CELSR2: variants seen among roughly 807,000 people sequenced by gnomAD.
CELSR2 encodes EGF-like protein 2.
A neutral mutation model predicts 251.6 loss-of-function variants in CELSR2; 81 were observed. That is an observed-to-expected ratio of 0.32 (90% confidence interval 0.27 to 0.39). The LOEUF (loss-of-function observed/expected upper bound fraction) is 0.39. Among genes scored for constraint, CELSR2 ranks in the 10% least tolerant of loss-of-function variants. CELSR2 has a pLI of 1.00. For missense variants in CELSR2, 3,365 were observed against 3,947.7 expected (o/e 0.85, Z 3.96); for synonymous variants, 1,721 against 1,670.5 (o/e 1.03, Z -0.74).
chr1:109,267,743 C>A lies in CELSR2; in HGVS notation c.6108+101C>A. On this transcript the variant is annotated intron_variant, in intron 16 of 33. Transcript: ENST00000271332. ...AGAACGGGGCTTCTGGAATTCCAGC[C>A]TGTGTGTTCCTGGGCTCCCAGCTGG... 3.2e-6 allele frequency: 5 copies of A among 1,553,410 alleles called. No homozygotes were observed. In the South Asian group the frequency reaches 6.0e-5, roughly 19 times the overall value.
chr1:109,268,859 T>C, intron 18 of CELSR2, 21 bp from the exon 19 acceptor site: 2 of 1,594,028 alleles, frequency 1.3e-6, no homozygotes, highest in Non-Finnish European at 1.7e-6. Context: ...AGGTCCGATC[T>C]GTGACCATCC....
chr1:109,261,491 C>T lies in CELSR2; in HGVS notation c.4182-22C>T, dbSNP rs1192566776. ...CCAGGTGGGTACCCCATTCCCTGCC[C>T]CCATCCCCAACTCCTGTTCAGGTTT... is the stretch of plus-strand genomic sequence containing the variant. On this transcript the variant is annotated intron_variant, in intron 3 of 33. Coordinates refer to ENST00000271332, the MANE Select transcript of CELSR2 (RefSeq NM_001408.3). This position sits in a 1 kb window ranked among gnomAD's most constrained non-coding sequence, Gnocchi z 4.8. 4 of 1,605,890 alleles carry T rather than the reference C, an allele frequency of 2.5e-6. No individual in the cohort carries two copies. The highest frequency in any genetic ancestry group is 3.4e-6 in the Non-Finnish European group (4 of 1,172,588).
intron 29 of CELSR2, 101 bp from the exon 30 acceptor site, chr1:109,272,539 A>G (rs1656401510): frequency 1.3e-6 from 2 of 1,483,804 alleles, no homozygotes; most frequent in African/African-American, 2.8e-5. Flanking sequence ...TAGAAGCTGT[A>G]AGGGACCCAC....
In CELSR2 at chr1:109,251,622, C is replaced by G. The variant is rs1319220386; in HGVS notation, c.1543C>G (p.Leu515Val). 6.2e-7 allele frequency: 1 copy of G among 1,613,878 alleles called. No homozygotes were observed. The highest frequency in any genetic ancestry group is 1.1e-5 in the South Asian group (1 of 91,072). Reference protein sequence around the residue: ...FVSTPFQATVLESVPLGYLVL... With the variant: ...FVSTPFQATVVESVPLGYLVL... ...CAGCACCCCTTTCCAGGCTACTGTC[C>G]TGGAGAGTGTCCCCTTAGGCTACCT... is the stretch of plus-strand genomic sequence containing the variant. The change falls in exon 1 of 34, where the codon CTG becomes GTG. Residue 515 changes from leucine (L) to valine (V), a missense_variant. Transcript: ENST00000271332. The surrounding 1 kb of genome is among the most constrained non-coding windows in gnomAD (Gnocchi z 4.9).
chr1:109,263,818 G>T (rs1426442911), intron 9 of CELSR2, 41 bp downstream of exon 9: 2 of 1,599,238 alleles, frequency 1.3e-6, no homozygotes, highest in Admixed American at 1.7e-5. Context: ...CTGGCCATAG[G>T]GCCCTGGTAG....
At position 109,258,952 on chromosome 1, in the gene CELSR2, G is replaced by T; in HGVS notation, c.3831G>T (p.Pro1277=). The change falls in exon 2 of 34, where the codon CCG becomes CCT. Residue 1277 remains proline (P), a synonymous_variant. Coordinates refer to ENST00000271332, the MANE Select transcript of CELSR2 (RefSeq NM_001408.3). The stretch of plus-strand genomic sequence containing the variant: ...TCGGAGGGCTGCGCTGCCGCTGCCC[G>T]CCCGGCTTCACGGGTGACTACTGCG... The part of the protein sequence containing the change: ...HPVGGLRCRC[P]PGFTGDYCET... 6.2e-7 allele frequency: 1 copy of T among 1,611,362 alleles called. No individual in the cohort carries two copies. The highest frequency in any genetic ancestry group is 1.1e-5 in the South Asian group (1 of 91,000).
chr1:109,258,577 G>A lies in CELSR2; in HGVS notation c.3456G>A (p.Ala1152=), dbSNP rs1339916336. ...LSPLLGLFIQ[A]VAATLATPPD... ...CACTGCTAGGCCTCTTCATCCAGGC[G>A]GTGGCCGCCACGCTGGCCACGCCAC... Residue 1152 remains alanine, a synonymous_variant, in exon 2 of 34, where the codon GCG becomes GCA. Coordinates refer to ENST00000271332, the MANE Select transcript of CELSR2 (RefSeq NM_001408.3). 6.2e-7 allele frequency: 1 copy of A among 1,601,012 alleles called. No homozygotes were observed. Among genetic ancestry groups the A allele is most frequent in the Non-Finnish European group, 8.5e-7 (1 of 1,174,432 alleles).
intron 15 of CELSR2, 198 bp downstream of exon 15, chr1:109,266,404 T>C: frequency 1.6e-6 from 1 of 637,790 alleles, no homozygotes; most frequent in East Asian, 3.0e-5. Flanking sequence ...TGGACTGTTT[T>C]GTTTTGTTTT....
rs770840359 is a variant in CELSR2 at position 109,264,574 on chromosome 1, G to A, written c.5410G>A (p.Ala1804Thr). The change falls in exon 11 of 34, where the codon GCT (alanine) becomes ACT (threonine). Residue 1804 changes from alanine (A) to threonine (T), a missense_variant. This residue lies in a region of CELSR2 where 2,093 missense variants were observed against 2,382.8 expected (regional missense o/e 0.88). Transcript: ENST00000271332. ...CCCTTGTGACTCAAACCCGTGTCCT[G>A]CTAACAGCTATTGCAGCAACGACTG... ...PDPCDSNPCP[A>T]NSYCSNDWDS... 1.9e-6 allele frequency: 3 copies of A among 1,614,114 alleles called. No individual in the cohort carries two copies. The highest frequency in any genetic ancestry group is 2.5e-6 in the Non-Finnish European group (3 of 1,179,948).
chr1:109,250,150 T>A lies in CELSR2; in HGVS notation c.71T>A (p.Leu24Gln), dbSNP rs752699115. 13 of 1,598,278 alleles carry A rather than the reference T, an allele frequency of 8.1e-6. No individual in the cohort carries two copies. Among genetic ancestry groups the A allele is most frequent in the Non-Finnish European group, 9.4e-6 (11 of 1,174,772 alleles). ...PPPLLLLLLL[L>Q]LPPPLLGDQV... is the part of the protein sequence containing the mutation. ...CCGCTGCTGCTGCTGTTGCTGCTGCTGCTGCCGCCGCCACTATTGGGAGAC... is the reference window on the plus strand; with the variant it reads ...CCGCTGCTGCTGCTGTTGCTGCTGCAGCTGCCGCCGCCACTATTGGGAGAC... Residue 24 changes from leucine to glutamine, a missense_variant, in exon 1 of 34, where the codon CTG (leucine) becomes CAG (glutamine). Coordinates refer to ENST00000271332, the MANE Select transcript of CELSR2 (RefSeq NM_001408.3). The surrounding 1 kb of genome is among the most constrained non-coding windows in gnomAD (Gnocchi z 4.4).
At chr1:109,262,569 G>T in intron 6 of CELSR2, 125 bp downstream of exon 6, 1 of 1,410,268 alleles carries the variant, frequency 7.1e-7, no homozygotes. Context: ...GCTCAGCCCT[G>T]GGGATGGGGT....
At chr1:109,264,391 T>TCCC in intron 10 of CELSR2, 26 bp downstream of exon 10, 1 of 650,036 alleles carries the variant, frequency 1.5e-6, no homozygotes, top group Admixed American at 1.9e-5. Context: ...TGCCCTCCCA[T>TCCC]CCCCTCCCCC....
At chr1:109,263,527 G>T in intron 8 of CELSR2, 84 bp from the exon 9 acceptor site, 2 of 1,544,770 alleles carry the variant, frequency 1.3e-6, no homozygotes, top group African/African-American at 1.4e-5. Flanking sequence ...TCTGCCTCCC[G>T]TGCAGCCGCC....
At position 109,273,240 on chromosome 1, in the gene CELSR2, G is replaced by C. The variant is rs61799458; in HGVS notation, c.8413G>C (p.Gly2805Arg). 5.0e-6 allele frequency: 8 copies of C among 1,613,164 alleles called. No homozygotes were observed. Among genetic ancestry groups the C allele is most frequent in the East Asian group, 2.2e-5 (1 of 44,870 alleles). The part of the protein sequence containing the change: ...GTTAKESSGN[G>R]APEERLRENG... ...CACAGCAAAAGAGAGTAGTGGCAAC[G>C]GGGCCCCTGAGGAGCGGCTGCGGGA... The change falls in exon 32 of 34, where the codon GGG becomes CGG. Residue 2805 changes from glycine (G) to arginine (R), a missense_variant. Transcript: ENST00000271332.
In CELSR2 at chr1:109,268,774, G is replaced by A; in HGVS notation, c.6502+10G>A. ...GTCACGCCCAACATTGGTAAGGCTG[G>A]TGCCTGGGTTGGGGAGGGGTTTGTG... is the stretch of plus-strand genomic sequence containing the variant. On this transcript the variant is annotated intron_variant, in intron 18 of 33. Transcript: ENST00000271332. The A allele has an allele frequency of 6.3e-7, 1 of 1,592,638 alleles. No homozygotes were observed. Among genetic ancestry groups the A allele is most frequent in the Middle Eastern group, 1.7e-4 (1 of 5,986 alleles).
chr1:109,274,165 G>T lies in CELSR2; in HGVS notation c.*116G>T. ...CTCCCCATCGCCTGCCCGCAGCAGC[G>T]ACGAAACGTCCATCTGAGGAGCCTG... is the stretch of plus-strand genomic sequence containing the variant. On this transcript the variant is annotated 3_prime_UTR_variant, in exon 34 of 34. Coordinates refer to ENST00000271332, the MANE Select transcript of CELSR2 (RefSeq NM_001408.3). 1 of 1,598,558 alleles carries T rather than the reference G, an allele frequency of 6.3e-7. No individual in the cohort carries two copies. Among genetic ancestry groups the T allele is most frequent in the Non-Finnish European group, 8.5e-7 (1 of 1,174,724 alleles).
rs756939916 is a variant in CELSR2 at position 109,263,756 on chromosome 1, G to T, written c.4980G>T (p.Gly1660=). 1.9e-6 allele frequency: 3 copies of T among 1,613,412 alleles called. No homozygotes were observed. The highest frequency in any genetic ancestry group is 1.3e-5 in the African/African-American group (1 of 74,944). The stretch of plus-strand genomic sequence containing the variant: ...TCCTGCTGCAGGCCATCACCAGGGG[G>T]CGCAGCACCATCACCCTACAGGTGA... ...DGVLLQAITR[G]RSTITLQLRE... is the part of the protein sequence containing the mutation. The change falls in exon 9 of 34, where the codon GGG becomes GGT. Residue 1660 remains glycine, a synonymous_variant. Transcript: ENST00000271332.
In CELSR2 at chr1:109,252,189, G is replaced by A. The variant is rs997422693; in HGVS notation, c.2110G>A (p.Asp704Asn). 4 of 1,613,724 alleles carry A rather than the reference G, an allele frequency of 2.5e-6. No individual in the cohort carries two copies. Among genetic ancestry groups the A allele is most frequent in the African/African-American group, 1.3e-5 (1 of 74,946 alleles). The change falls in exon 1 of 34, where the codon GAC becomes AAC. Residue 704 changes from aspartate (D) to asparagine (N), a missense_variant. Asp to Asn is a conservative substitution (Grantham distance 23). Transcript: ENST00000271332. This position sits in a 1 kb window ranked among gnomAD's most constrained non-coding sequence, Gnocchi z 4.8. ...DTAQIVVNVT[D>N]ANTHRPVFQS... Reference sequence around the variant, plus strand: ...GGCACAGATTGTGGTGAATGTCACCGACGCCAACACCCATCGTCCTGTCTT... The same window carrying A: ...GGCACAGATTGTGGTGAATGTCACCAACGCCAACACCCATCGTCCTGTCTT...
At position 109,261,378 on chromosome 1, in the gene CELSR2, C is replaced by T. The variant is rs1656017412; in HGVS notation, c.4181+114C>T. 2 of 1,350,492 alleles carry T rather than the reference C, an allele frequency of 1.5e-6. No homozygotes were observed. Among genetic ancestry groups the T allele is most frequent in the East Asian group, 2.3e-5 (1 of 43,458 alleles). The allele number at this position is 1,350,492 out of a possible 1,614,324, so 83.7% of individuals were successfully genotyped here. On this transcript the variant is annotated intron_variant, in intron 3 of 33. Coordinates refer to ENST00000271332, the MANE Select transcript of CELSR2 (RefSeq NM_001408.3). The surrounding 1 kb of genome is among the most constrained non-coding windows in gnomAD (Gnocchi z 4.8). The stretch of plus-strand genomic sequence containing the variant: ...GTGAAAGCGTGGAGCAGGCTGCCGG[C>T]AGAGCCAGGTCTGCTCTTGGAGTTG...
Sources: allele counts gnomAD v4.1 joint callset, GRCh38; gene constraint gnomAD v4.1.1; regional missense constraint gnomAD v4.1.1; non-coding constraint Gnocchi (gnomAD v3.1); transcripts MANE v1.5; gene names NCBI Gene and HGNC (gene_info 2026-07-23, HGNC 2026-07-21).